Variants in PTPRG observed in about 807,000 individuals in gnomAD.
PTPRG encodes receptor-type tyrosine-protein phosphatase gamma.
A neutral mutation model predicts 165.3 loss-of-function variants in PTPRG; 102 were observed. The observed-to-expected ratio is 0.62, with a 90% CI of 0.53 to 0.73. PTPRG has a LOEUF of 0.73. Among genes scored for constraint, PTPRG ranks in the 30% least tolerant of loss-of-function variants. PTPRG has a pLI of 0.00. For synonymous variants in PTPRG, 675 were observed against 669.5 expected (o/e 1.01, Z -0.13); for missense variants, 1,866 against 1,861.4 (o/e 1.00, Z -0.05).
chr3:61,600,194 G>A lies in PTPRG; in HGVS notation c.85+37822G>A, dbSNP rs571201316. Among the ~76,000 whole-genome samples, 478 of 144,132 alleles carry A rather than the reference G, an allele frequency of 3.3e-3. 4 individuals are homozygous for A. The highest frequency in any genetic ancestry group is 0.012 in the African/African-American group (450 of 36,722). 94.6% of individuals were successfully genotyped at this position (144,132 alleles called of 152,430 possible). A position where few individuals can be genotyped will look rare whatever the true frequency, so the allele number is the denominator to read the frequency against. Reference sequence around the variant, plus strand: ...AAAAAATATATATATATATATATATGTGTGTGTGTGTGTGTGTGTGTGTAA... The same window carrying A: ...AAAAAATATATATATATATATATATATGTGTGTGTGTGTGTGTGTGTGTAA... On this transcript the variant is annotated intron_variant, in intron 1 of 29. Coordinates refer to ENST00000474889, the MANE Select transcript of PTPRG (RefSeq NM_002841.4).
chr3:61,679,197 C>G (rs1358109497), intron 1 of PTPRG, among the ~76,000 whole-genome samples: 1 of 152,154 alleles, frequency 6.6e-6, no homozygotes, highest in South Asian at 2.1e-4. Context: ...TTATATGACT[C>G]CAAAGCTTGA....
intron 1 of PTPRG, among the ~76,000 whole-genome samples, chr3:61,574,104 G>A (rs969125584): frequency 2.6e-5 from 4 of 151,946 alleles, no homozygotes; most frequent in Non-Finnish European, 5.9e-5. Context: ...ATCAAAAGTG[G>A]CCTTGGCTCT....
intron 28 of PTPRG, among the ~76,000 whole-genome samples, chr3:62,287,698 C>G (rs1702721520): frequency 6.6e-6 from 1 of 152,148 alleles, no homozygotes; most frequent in South Asian, 2.1e-4. Context: ...AGTTCTTAAA[C>G]TGAGCGACCA....
chr3:62,065,699 CT>C (rs1316502686), intron 4 of PTPRG, among the ~76,000 whole-genome samples: 1 of 152,148 alleles, frequency 6.6e-6, no homozygotes, highest in Non-Finnish European at 1.5e-5. Flanking sequence ...ATGTGCTTAG[CT>C]TTGTAAGGAC....
At chr3:61,836,487 A>T (rs1334528610) in intron 2 of PTPRG, among the ~76,000 whole-genome samples, 1 of 152,170 alleles carries the variant, frequency 6.6e-6, no homozygotes, top group East Asian at 1.9e-4. Context: ...TTACTTAGGG[A>T]TAGTGATAAT....
At chr3:62,031,798 G>A (rs545840493) in intron 4 of PTPRG, among the ~76,000 whole-genome samples, 1 of 152,292 alleles carries the variant, frequency 6.6e-6, no homozygotes, top group East Asian at 1.9e-4. Flanking sequence ...AGAGAAGATA[G>A]AGACATTATT....
At chr3:61,954,220 A>G (rs2039969147) in intron 2 of PTPRG, among the ~76,000 whole-genome samples, 6 of 152,154 alleles carry the variant, frequency 3.9e-5, no homozygotes, top group Admixed American at 3.9e-4. Context: ...TGTAGGTTTG[A>G]ATGTATGCAT....
intron 2 of PTPRG, among the ~76,000 whole-genome samples, chr3:61,768,549 T>C (rs1416421628): frequency 6.6e-6 from 1 of 152,102 alleles, no homozygotes; most frequent in Non-Finnish European, 1.5e-5. Flanking sequence ...GTCTGGAACA[T>C]TAGTTGAGGA....
intron 2 of PTPRG, among the ~76,000 whole-genome samples, chr3:61,793,266 A>AT (rs2034942718): frequency 6.6e-6 from 1 of 152,138 alleles, no homozygotes; most frequent in South Asian, 2.1e-4. Flanking sequence ...TTGAATGGAT[A>AT]TGTCACCTGG....
chr3:62,074,348 C>CT (rs146122295), intron 4 of PTPRG, among the ~76,000 whole-genome samples: 5,406 of 113,838 alleles, frequency 0.047, 488 homozygotes, highest in African/African-American at 0.17. Flanking sequence ...CTTTTCTTTT[C>CT]TTTCTTTTTT....
chr3:61,581,568 G>A (rs1016027639), intron 1 of PTPRG, among the ~76,000 whole-genome samples: 1 of 151,934 alleles, frequency 6.6e-6, no homozygotes, highest in South Asian at 2.1e-4. Context: ...AGGGGGAGCA[G>A]GGCAGAGTTA....
chr3:62,020,363 T>C (rs994541108), intron 4 of PTPRG, among the ~76,000 whole-genome samples: 1 of 152,218 alleles, frequency 6.6e-6, no homozygotes, highest in Admixed American at 6.5e-5. Context: ...TAATGTCATT[T>C]CTAAGACCTT....
chr3:61,765,298 C>G (rs1217158606), intron 2 of PTPRG, among the ~76,000 whole-genome samples: 2 of 152,116 alleles, frequency 1.3e-5, no homozygotes, highest in African/African-American at 4.8e-5. Flanking sequence ...CACTTCTGGT[C>G]GTGGTGAAAA....
Position 61,561,928 on chromosome 3 carries a change from C to A in PTPRG, c.-360C>A. 1 of 164,354 alleles carries A rather than the reference C, an allele frequency of 6.1e-6. No homozygotes were observed. Among genetic ancestry groups the A allele is most frequent in the South Asian group, 1.7e-4 (1 of 5,782 alleles). 10.2% of individuals were successfully genotyped at this position (164,354 alleles called of 1,614,324 possible). On this transcript the variant is annotated 5_prime_UTR_variant, in exon 1 of 30. Coordinates refer to ENST00000474889, the MANE Select transcript of PTPRG (RefSeq NM_002841.4). ...GCTGCCGACTCAAGTTGGGGATCCT[C>A]GGCTGCTCGCCGCCGCCGCCCGCGG...
At chr3:61,937,254 A>G (rs1234890456) in intron 2 of PTPRG, among the ~76,000 whole-genome samples, 2 of 152,182 alleles carry the variant, frequency 1.3e-5, no homozygotes, top group African/African-American at 4.8e-5. Flanking sequence ...GAATATGCCC[A>G]CCAGATTTGG....
At chr3:61,776,338 C>T (rs780470336) in intron 2 of PTPRG, among the ~76,000 whole-genome samples, 1 of 151,946 alleles carries the variant, frequency 6.6e-6, no homozygotes, top group Non-Finnish European at 1.5e-5. Flanking sequence ...TTTTTTTGAC[C>T]CCAAGTTCTC....
At chr3:61,704,614 T>G (rs2031154714) in intron 1 of PTPRG, among the ~76,000 whole-genome samples, 1 of 145,954 alleles carries the variant, frequency 6.9e-6, no homozygotes, top group African/African-American at 2.6e-5. Flanking sequence ...GCCACTAGTC[T>G]TATGTTAAAT....
intron 4 of PTPRG, among the ~76,000 whole-genome samples, chr3:62,009,358 G>A (rs752925637): frequency 6.6e-6 from 1 of 152,118 alleles, no homozygotes; most frequent in Non-Finnish European, 1.5e-5. Context: ...GCAAAGTTCA[G>A]GATTGTCCAG....
chr3:62,119,787 ATTTTT>A (rs34842750), intron 5 of PTPRG, among the ~76,000 whole-genome samples: 41 of 111,720 alleles, frequency 3.7e-4, no homozygotes, highest in East Asian at 1.8e-3. Context: ...CGCCTGGCTA[ATTTTT>A]TTTTTTTTTT....
Sources: allele counts gnomAD v4.1 joint callset (sites outside exome capture counted in the v4.1 genomes callset), GRCh38; gene constraint gnomAD v4.1.1; transcripts MANE v1.5; gene names NCBI Gene and HGNC (gene_info 2026-07-23, HGNC 2026-07-21).